GNB1: variants seen among roughly 807,000 people sequenced by gnomAD.
GNB1 encodes the protein guanine nucleotide-binding protein G(I)/G(S)/G(T) subunit beta-1.
Under a neutral mutation model 42.9 loss-of-function variants are expected in GNB1, and 2 were observed. The ratio of observed to expected loss-of-function variants is 0.05; its 90% CI spans 0.02 to 0.15. The LOEUF (loss-of-function observed/expected upper bound fraction) is 0.15. Ranked by LOEUF, GNB1 falls within the 10% of genes least tolerant of loss-of-function variation. The pLI, the probability that GNB1 is intolerant of heterozygous loss-of-function variation, is 1.00. For missense variants in GNB1, 193 were observed against 462.2 expected (o/e 0.42, Z 5.34); for synonymous variants, 183 against 174.7 (o/e 1.05, Z -0.38).
intron 1 of GNB1, among the ~76,000 whole-genome samples, chr1:1,881,221 C>T (rs1161284826): frequency 6.6e-6 from 1 of 152,138 alleles, no homozygotes. Flanking sequence ...GCCACTCTCG[C>T]CTTCCCTTCG....
In GNB1 at chr1:1,876,516, C is replaced by A. The variant is rs199498269; in HGVS notation, c.-96+14304G>T. 3.3e-3 allele frequency among the ~76,000 whole-genome samples: 345 copies of A among 103,852 alleles called. 1 individual carries two copies. The highest frequency in any genetic ancestry group is 4.7e-3 in the African/African-American group (123 of 26,162). 68.1% of individuals were successfully genotyped at this position (103,852 alleles called of 152,430 possible). A position where few individuals can be genotyped will look rare whatever the true frequency, so the allele number is the denominator to read the frequency against. ...ACGAGAGAGAGAGAGAGAGAGAGAG[C>A]GAGCGTGCATGGCCACGTGCACGAG... is the stretch of plus-strand genomic sequence containing the variant. On this transcript the variant is annotated intron_variant, in intron 1 of 11. Transcript: ENST00000378609.
intron 1 of GNB1, among the ~76,000 whole-genome samples, chr1:1,868,571 A>T (rs955106673): frequency 3.3e-5 from 5 of 152,128 alleles, no homozygotes; most frequent in Admixed American, 2.0e-4. Flanking sequence ...TCACGAGGTC[A>T]GGAGTTCAAG....
At chr1:1,871,951 T>C (rs1394862564) in intron 1 of GNB1, among the ~76,000 whole-genome samples, 3 of 151,920 alleles carry the variant, frequency 2.0e-5, no homozygotes, top group African/African-American at 7.3e-5. Context: ...TCTGTCTCAA[T>C]CTGTGCCCCC....
At chr1:1,857,456 G>A (rs1004234719) in intron 1 of GNB1, among the ~76,000 whole-genome samples, 1 of 152,154 alleles carries the variant, frequency 6.6e-6, no homozygotes, top group African/African-American at 2.4e-5. Flanking sequence ...CCATGTCTCT[G>A]TCTCCAGAGT....
At chr1:1,822,783 T>G (rs948436352) in intron 3 of GNB1, among the ~76,000 whole-genome samples, 22 of 152,158 alleles carry the variant, frequency 1.4e-4, no homozygotes, top group Non-Finnish European at 5.9e-5. Flanking sequence ...CTTAATTTTT[T>G]AAATTTGGGT....
At chr1:1,796,637 G>A (rs1303169552) in intron 7 of GNB1, among the ~76,000 whole-genome samples, 6 of 152,220 alleles carry the variant, frequency 3.9e-5, no homozygotes, top group Admixed American at 6.5e-5. Context: ...CCCCTGGTGC[G>A]GGGGCCTGTG....
chr1:1,814,812 A>AG (rs1167514764), intron 5 of GNB1, among the ~76,000 whole-genome samples: 1 of 124,706 alleles, frequency 8.0e-6, no homozygotes, highest in African/African-American at 2.7e-5. Context: ...AAAAAAAAAA[A>AG]AAAAAAAAGA....
intron 1 of GNB1, among the ~76,000 whole-genome samples, chr1:1,879,496 G>A (rs1649722991): frequency 6.6e-6 from 1 of 152,100 alleles, no homozygotes; most frequent in Non-Finnish European, 1.5e-5. Context: ...CACGAGATCA[G>A]GCGATCGAGA....
chr1:1,861,913 A>C (rs1648651096), intron 1 of GNB1, among the ~76,000 whole-genome samples: 1 of 152,048 alleles, frequency 6.6e-6, no homozygotes, highest in Admixed American at 6.5e-5. Flanking sequence ...TTTAAACCTC[A>C]AGGGAGGCCG....
At chr1:1,884,432 G>C (rs879060631) in intron 1 of GNB1, among the ~76,000 whole-genome samples, 2 of 151,982 alleles carry the variant, frequency 1.3e-5, no homozygotes, top group Admixed American at 1.3e-4. Context: ...GGCTGGTCTT[G>C]AACTCCCAAC....
chr1:1,872,900 C>T (rs1649327417), intron 1 of GNB1, among the ~76,000 whole-genome samples: 1 of 152,198 alleles, frequency 6.6e-6, no homozygotes, highest in Admixed American at 6.5e-5. Context: ...CTCCATCCCA[C>T]AGATACCATA....
intron 2 of GNB1, among the ~76,000 whole-genome samples, chr1:1,826,628 G>A (rs1647003335): frequency 6.6e-6 from 1 of 152,020 alleles, no homozygotes; most frequent in Non-Finnish European, 1.5e-5. Flanking sequence ...CAGTTTTTTG[G>A]CTCAGGGACA....
chr1:1,868,618 T>TAA (rs1401159100), intron 1 of GNB1, among the ~76,000 whole-genome samples: 1 of 150,626 alleles, frequency 6.6e-6, no homozygotes, highest in African/African-American at 2.4e-5. Flanking sequence ...CCGTCTCTAC[T>TAA]AAAAATACAA....
chr1:1,837,610 A>G (rs1647170196), intron 2 of GNB1, among the ~76,000 whole-genome samples: 1 of 150,378 alleles, frequency 6.6e-6, no homozygotes. Flanking sequence ...ACCAGGCTGG[A>G]GCACAACGGT....
intron 2 of GNB1, among the ~76,000 whole-genome samples, chr1:1,826,402 G>A (rs917597758): frequency 6.6e-6 from 1 of 152,180 alleles, no homozygotes; most frequent in African/African-American, 2.4e-5. Context: ...GGGTGACAGA[G>A]CGAGACTCCA....
chr1:1,869,953 C>A (rs1649159693), intron 1 of GNB1, among the ~76,000 whole-genome samples: 1 of 152,130 alleles, frequency 6.6e-6, no homozygotes, highest in Admixed American at 6.5e-5. Context: ...ACCTCCACCT[C>A]CTGGGTTCAA....
chr1:1,883,653 C>T (rs947572500), intron 1 of GNB1, among the ~76,000 whole-genome samples: 4 of 152,188 alleles, frequency 2.6e-5, no homozygotes, highest in Non-Finnish European at 5.9e-5. Context: ...AGGACAGACA[C>T]AGAAGTCCTA....
chr1:1,791,527 G>A (rs1419556458), intron 8 of GNB1, among the ~76,000 whole-genome samples: 2 of 152,202 alleles, frequency 1.3e-5, no homozygotes, highest in African/African-American at 2.4e-5. Flanking sequence ...AAGGTGAGAC[G>A]CTGACAGAGC....
intron 1 of GNB1, among the ~76,000 whole-genome samples, chr1:1,889,657 C>CT (rs1167800791): frequency 8.4e-6 from 1 of 118,654 alleles, no homozygotes; most frequent in East Asian, 2.4e-4. Flanking sequence ...GATCCCATCT[C>CT]TTAAAAAAAA....
Sources: allele counts gnomAD v4.1 joint callset (sites outside exome capture counted in the v4.1 genomes callset), GRCh38; gene constraint gnomAD v4.1.1; transcripts MANE v1.5; gene names NCBI Gene and HGNC (gene_info 2026-07-23, HGNC 2026-07-21).